The following HMCN1 variants were observed in gnomAD, a reference collection of about 807,000 sequenced individuals.
HMCN1 encodes hemicentin 1.
In HMCN1, 321 loss-of-function variants were observed where a neutral mutation model predicts 625.9. That is an observed-to-expected ratio of 0.51 (90% CI 0.47 to 0.56). The LOEUF (loss-of-function observed/expected upper bound fraction) is 0.56, where lower values mean the gene tolerates loss of function less well. Among genes scored for constraint, HMCN1 ranks in the 20% least tolerant of loss-of-function variants. The pLI is 0.00. For synonymous variants in HMCN1, 2,425 were observed against 2,417.6 expected, an observed-to-expected ratio of 1.00 and a Z score of -0.09; for missense variants, 6,588 against 6,887.3, an observed-to-expected ratio of 0.96 and a Z score of 1.54.
At chr1:185,839,136 G>T (rs1452924481) in intron 1 of HMCN1, among the ~76,000 whole-genome samples, 1 of 152,074 alleles carries the variant, frequency 6.6e-6, no homozygotes, top group Non-Finnish European at 1.5e-5. Flanking sequence ...CCTTTCTAAG[G>T]ACTTGCAAGC....
intron 36 of HMCN1, among the ~76,000 whole-genome samples, chr1:186,027,745 G>T (rs1213912118): frequency 6.6e-6 from 1 of 152,126 alleles, no homozygotes; most frequent in Non-Finnish European, 1.5e-5. Context: ...ATAAATATCT[G>T]TAAAGTCCCT....
chr1:185,820,518 G>A (rs1209624989), intron 1 of HMCN1, among the ~76,000 whole-genome samples: 1 of 152,124 alleles, frequency 6.6e-6, no homozygotes, highest in Non-Finnish European at 1.5e-5. Flanking sequence ...ATAGAAGTAA[G>A]TGAAAGACAT....
chr1:185,923,557 C>T lies in HMCN1; in HGVS notation c.1189C>T (p.Pro397Ser). ...GIWNISDFVP[P>S]NEAFFLKVTG... ...ATGGAATATTTCTGACTTTGTACCA[C>T]CAAATGAAGCTTTCTTTCTCAAAGT... The change falls in exon 8 of 107, where the codon CCA becomes TCA. Residue 397 changes from proline (P) to serine (S), a missense_variant. By Grantham distance (74) the Pro-to-Ser change is moderately conservative (BLOSUM62 -1). Coordinates refer to ENST00000271588, the MANE Select transcript of HMCN1 (RefSeq NM_031935.3). 1 of 1,610,734 alleles carries T rather than the reference C, an allele frequency of 6.2e-7. No homozygotes were observed. The highest frequency in any genetic ancestry group is 1.1e-5 in the South Asian group (1 of 91,026).
intron 89 of HMCN1, among the ~76,000 whole-genome samples, chr1:186,140,084 T>TG (rs1649858455): frequency 6.6e-6 from 1 of 152,208 alleles, no homozygotes; most frequent in Non-Finnish European, 1.5e-5. Context: ...GGACATTCTC[T>TG]TTCATGAACA....
At chr1:186,127,216 G>A (rs1328953280) in intron 82 of HMCN1, among the ~76,000 whole-genome samples, 1 of 152,080 alleles carries the variant, frequency 6.6e-6, no homozygotes, top group East Asian at 1.9e-4. Context: ...TTTGGGGCAT[G>A]AATGTGAGAC....
At chr1:185,911,591 T>C in intron 5 of HMCN1, 83 bp from the exon 6 acceptor site, 1 of 1,004,674 alleles carries the variant, frequency 1.0e-6, no homozygotes, top group East Asian at 2.4e-5. Flanking sequence ...GATCATGCTC[T>C]TAGTTTTATG....
At chr1:185,911,559 G>T (rs1666421265) in intron 5 of HMCN1, 115 bp from the exon 6 acceptor site, 16 of 834,072 alleles carry the variant, frequency 1.9e-5, no homozygotes, top group Middle Eastern at 2.4e-4. Flanking sequence ...GGTAAAAAAT[G>T]AGCCAGTGTT....
intron 103 of HMCN1, among the ~76,000 whole-genome samples, chr1:186,175,651 T>G (rs1652516089): frequency 6.6e-6 from 1 of 152,156 alleles, no homozygotes. Flanking sequence ...TTCACCAATT[T>G]GGCCACCAGC....
intron 19 of HMCN1, 137 bp from the exon 20 acceptor site, chr1:185,987,295 A>C (rs761313828): frequency 7.1e-6 from 5 of 700,152 alleles, no homozygotes; most frequent in Non-Finnish European, 1.3e-5. Flanking sequence ...AGATTATCCT[A>C]CATTTTTATC....
intron 4 of HMCN1, among the ~76,000 whole-genome samples, chr1:185,905,367 C>G (rs952895779): frequency 8.6e-5 from 13 of 151,628 alleles, no homozygotes; most frequent in African/African-American, 2.7e-4. Flanking sequence ...GCTATGGTGT[C>G]TGCCCTCATA....
In HMCN1 at chr1:186,153,820, T is replaced by C; in HGVS notation, c.15089T>C (p.Ile5030Thr). The change falls in exon 97 of 107, where the codon ATT (isoleucine) becomes ACT (threonine). Residue 5030 changes from isoleucine to threonine, a missense_variant. Ile to Thr is a moderately conservative substitution (Grantham distance 89). Transcript: ENST00000271588. ...LYAYSTRLFT[I>T]DGISIPYTWN... ...GCCTACTCAACCCGGCTGTTCACCA[T>C]TGATGGCATCAGCATCCCATACACA... 2 of 1,614,176 alleles carry C rather than the reference T, an allele frequency of 1.2e-6. No individual in the cohort carries two copies. Among genetic ancestry groups the C allele is most frequent in the Non-Finnish European group, 1.7e-6 (2 of 1,180,014 alleles).
In HMCN1 at chr1:186,156,787, CTT is replaced by C. The variant is rs551210726; in HGVS notation, c.15256+2801_15256+2802del. The stretch of plus-strand genomic sequence containing the variant: ...TTATGGCACAGCTATATAATAATAA[CTT>C]AATCACTGAAATAGGAAATATTTAG... On this transcript the variant is annotated intron_variant, in intron 97 of 106. Coordinates refer to ENST00000271588, the MANE Select transcript of HMCN1 (RefSeq NM_031935.3). 1.1e-3 allele frequency among the ~76,000 whole-genome samples: 163 copies of C among 152,224 alleles called. 1 individual carries two copies. Among genetic ancestry groups the C allele is most frequent in the African/African-American group, 3.8e-3 (159 of 41,552 alleles).
intron 4 of HMCN1, among the ~76,000 whole-genome samples, chr1:185,882,222 T>C (rs1273041104): frequency 6.6e-6 from 1 of 152,200 alleles, no homozygotes; most frequent in Non-Finnish European, 1.5e-5. Flanking sequence ...ACTTTACAGA[T>C]ACTCATTGAT....
chr1:186,027,925 A>G (rs1206477082), intron 36 of HMCN1, among the ~76,000 whole-genome samples: 4 of 152,184 alleles, frequency 2.6e-5, no homozygotes, highest in African/African-American at 9.7e-5. Flanking sequence ...GTTTTGTTTA[A>G]TAGCTCAAAT....
At chr1:185,920,380 A>G (rs1433360399) in intron 6 of HMCN1, among the ~76,000 whole-genome samples, 1 of 152,194 alleles carries the variant, frequency 6.6e-6, no homozygotes, top group Non-Finnish European at 1.5e-5. Flanking sequence ...AAATTCATCA[A>G]AGACATTCCT....
intron 48 of HMCN1, among the ~76,000 whole-genome samples, chr1:186,063,458 G>T (rs1339773854): frequency 7.1e-5 from 1 of 14,108 alleles, no homozygotes; most frequent in Non-Finnish European, 1.1e-4. Context: ...GAGAAGGAAG[G>T]AAGGAAGGAA....
intron 97 of HMCN1, among the ~76,000 whole-genome samples, chr1:186,156,310 C>CATG (rs796436421): frequency 2.1e-4 from 32 of 152,052 alleles, no homozygotes; most frequent in African/African-American, 7.5e-4. Context: ...TATTGACAAC[C>CATG]ATGATTAATC....
At chr1:186,090,104 C>G (rs187900988) in intron 63 of HMCN1, among the ~76,000 whole-genome samples, 3 of 151,776 alleles carry the variant, frequency 2.0e-5, no homozygotes, top group Non-Finnish European at 4.4e-5. Flanking sequence ...TTCTGCACAT[C>G]GCTATGATCA....
chr1:186,091,181 A>C (rs886167970), intron 64 of HMCN1, among the ~76,000 whole-genome samples: 4 of 152,006 alleles, frequency 2.6e-5, no homozygotes, highest in Non-Finnish European at 5.9e-5. Flanking sequence ...TTAACTCATT[A>C]ACTGTAATGT....
Sources: allele counts gnomAD v4.1 joint callset (sites outside exome capture counted in the v4.1 genomes callset), GRCh38; gene constraint gnomAD v4.1.1; transcripts MANE v1.5; gene names NCBI Gene and HGNC (gene_info 2026-07-23, HGNC 2026-07-21).